Variants in PLXNC1 observed in about 807,000 individuals in gnomAD.
The protein encoded by PLXNC1 is plexin-C1.
PLXNC1 carries 75 observed loss-of-function variants against 178.2 expected under a neutral mutation model. The observed-to-expected ratio is 0.42, with a 90% CI of 0.35 to 0.51. The LOEUF (loss-of-function observed/expected upper bound fraction) is 0.51, where lower values mean the gene tolerates loss of function less well. Ranked by LOEUF, PLXNC1 falls within the 20% of genes least tolerant of loss-of-function variation. The pLI is 0.02. For synonymous variants in PLXNC1, 790 were observed against 779.9 expected (o/e 1.01, Z -0.22); for missense variants, 1,503 against 1,984.4 (o/e 0.76, Z 4.61).
intron 11 of PLXNC1, among the ~76,000 whole-genome samples, chr12:94,242,302 A>ATTT (rs59056862): frequency 2.2e-4 from 21 of 97,374 alleles, no homozygotes; most frequent in African/African-American, 4.0e-4. Context: ...AATCTCCCCA[A>ATTT]TTTTTTTTTT....
At chr12:94,164,326 T>G (rs1961506033) in intron 1 of PLXNC1, among the ~76,000 whole-genome samples, 1 of 152,200 alleles carries the variant, frequency 6.6e-6, no homozygotes. Context: ...CAGGAATCCT[T>G]TTAGCACCTT....
chr12:94,287,485 C>T (rs1236230239), intron 23 of PLXNC1, among the ~76,000 whole-genome samples: 2 of 152,170 alleles, frequency 1.3e-5, no homozygotes, highest in Non-Finnish European at 1.5e-5. Flanking sequence ...AGTTATTGCA[C>T]CCGCACCCTG....
chr12:94,164,623 G>GTC (rs2135933942), intron 1 of PLXNC1, among the ~76,000 whole-genome samples: 1 of 151,286 alleles, frequency 6.6e-6, no homozygotes, highest in Non-Finnish European at 1.5e-5. Context: ...CTGCAAAGAA[G>GTC]TCTAATTGTT....
intron 23 of PLXNC1, among the ~76,000 whole-genome samples, chr12:94,284,008 GGGAGGC>G (rs1966646640): frequency 6.6e-6 from 1 of 151,690 alleles, no homozygotes; most frequent in Non-Finnish European, 1.5e-5. Flanking sequence ...GCTTGAACCC[GGGAGGC>G]GGAGGTTGCA....
chr12:94,233,294 G>C (rs572660627), intron 9 of PLXNC1, among the ~76,000 whole-genome samples: 3 of 152,316 alleles, frequency 2.0e-5, no homozygotes, highest in Non-Finnish European at 2.9e-5. Context: ...TCTCATGCAT[G>C]AGTCGAATCT....
At chr12:94,293,006 GCT>G (rs1967515406) in intron 23 of PLXNC1, among the ~76,000 whole-genome samples, 1 of 152,080 alleles carries the variant, frequency 6.6e-6, no homozygotes, top group Non-Finnish European at 1.5e-5. Flanking sequence ...CACTACCGCT[GCT>G]CTCTTCTCCA....
intron 21 of PLXNC1, among the ~76,000 whole-genome samples, chr12:94,272,915 G>T (rs556562788): frequency 6.6e-6 from 1 of 152,310 alleles, no homozygotes; most frequent in South Asian, 2.1e-4. Flanking sequence ...TCTCCTGGGA[G>T]GGCATTCATT....
At chr12:94,280,001 T>C in intron 22 of PLXNC1, 1 of 390,932 alleles carries the variant, frequency 2.6e-6, no homozygotes, top group Non-Finnish European at 4.9e-6. Context: ...CTGCGTGTGT[T>C]GCATTTCACA....
intron 2 of PLXNC1, among the ~76,000 whole-genome samples, chr12:94,179,868 CA>C (rs1339029365): frequency 6.6e-6 from 1 of 151,682 alleles, no homozygotes; most frequent in Non-Finnish European, 1.5e-5. Flanking sequence ...TTGATCCTTA[CA>C]AAACTGTAAT....
chr12:94,198,811 C>T (rs1044903422), intron 4 of PLXNC1, among the ~76,000 whole-genome samples: 1 of 152,158 alleles, frequency 6.6e-6, no homozygotes. Context: ...CTCCTTTCTC[C>T]TAGAAAATTC....
intron 5 of PLXNC1, among the ~76,000 whole-genome samples, chr12:94,212,007 G>C (rs1272462638): frequency 1.3e-5 from 2 of 152,200 alleles, no homozygotes; most frequent in African/African-American, 4.8e-5. Flanking sequence ...GGGCGCGGTG[G>C]CTCACGCCTG....
chr12:94,216,499 C>T (rs184853364), intron 5 of PLXNC1, among the ~76,000 whole-genome samples: 76 of 152,154 alleles, frequency 5.0e-4, no homozygotes, highest in East Asian at 2.3e-3. Context: ...CAAATTAAAG[C>T]GATAATAAGC....
intron 4 of PLXNC1, among the ~76,000 whole-genome samples, chr12:94,206,332 A>G (rs1963298307): frequency 6.6e-6 from 1 of 151,942 alleles, no homozygotes; most frequent in South Asian, 2.1e-4. Context: ...CCAATATCAA[A>G]CTCTAGTATT....
intron 21 of PLXNC1, among the ~76,000 whole-genome samples, chr12:94,278,859 A>G (rs752893101): frequency 3.3e-5 from 5 of 152,108 alleles, no homozygotes; most frequent in Non-Finnish European, 7.4e-5. Flanking sequence ...TTAGCCAGGC[A>G]TGGTGGCATG....
At chr12:94,193,838 G>A (rs1243927796) in intron 4 of PLXNC1, among the ~76,000 whole-genome samples, 2 of 152,230 alleles carry the variant, frequency 1.3e-5, no homozygotes, top group Non-Finnish European at 2.9e-5. Flanking sequence ...GGAGTGGCCT[G>A]TTTGGGCTGC....
chr12:94,161,519 G>C (rs1437691341), intron 1 of PLXNC1, among the ~76,000 whole-genome samples: 2 of 152,140 alleles, frequency 1.3e-5, no homozygotes, highest in Non-Finnish European at 2.9e-5. Context: ...ACTTTTATTT[G>C]AAAGGACACA....
chr12:94,154,334 A>T (rs542503355), intron 1 of PLXNC1, among the ~76,000 whole-genome samples: 13 of 152,300 alleles, frequency 8.5e-5, no homozygotes, highest in African/African-American at 3.1e-4. Context: ...GCTTTTAGCC[A>T]CCTTACAAGT....
chr12:94,237,797 A>C lies in PLXNC1; in HGVS notation c.2114A>C (p.Lys705Thr). 6 of 1,613,420 alleles carry C rather than the reference A, an allele frequency of 3.7e-6. No homozygotes were observed. The highest frequency in any genetic ancestry group is 5.1e-6 in the Non-Finnish European group (6 of 1,179,862). ...CTGAAAGGAACCAGTACCTGTGATA[A>C]GGATGTGTGAGTCGAAATACTAATA... Reference protein sequence around the residue: ...MILKGTSTCDKDVIQVSHVLN... With the variant: ...MILKGTSTCDTDVIQVSHVLN... The change falls in exon 10 of 31, where the codon AAG (lysine) becomes ACG (threonine). Residue 705 changes from lysine (K) to threonine (T), a missense_variant. Transcript: ENST00000258526.
At chr12:94,211,552 A>G (rs1182855926) in intron 5 of PLXNC1, among the ~76,000 whole-genome samples, 1 of 152,220 alleles carries the variant, frequency 6.6e-6, no homozygotes, top group East Asian at 1.9e-4. Flanking sequence ...TTCAAAGGCT[A>G]TTTGCTACCT....
Sources: gnomAD v4.1 joint callset for allele counts (sites outside exome capture counted in the v4.1 genomes callset) on GRCh38, gnomAD v4.1.1 for gene constraint, MANE v1.5 for transcripts, NCBI Gene and HGNC (gene_info 2026-07-23, HGNC 2026-07-21) for gene names.